RFTN1: variants seen among roughly 807,000 people sequenced by gnomAD.
The protein encoded by RFTN1 is raftlin, lipid raft linker 1.
A neutral mutation model predicts 46.5 loss-of-function variants in RFTN1; 26 were observed. The ratio of observed to expected loss-of-function variants is 0.56; its 90% CI spans 0.41 to 0.78. The LOEUF (loss-of-function observed/expected upper bound fraction) is 0.78. Among genes scored for constraint, RFTN1 ranks in the 30% least tolerant of loss-of-function variants. The pLI is 0.00. For synonymous variants in RFTN1, 261 were observed against 284.2 expected, an observed-to-expected ratio of 0.92 and a Z score of 0.82; for missense variants, 693 against 718.7, an observed-to-expected ratio of 0.96 and a Z score of 0.41.
At position 16,466,979 on chromosome 3, in the gene RFTN1, G is replaced by A. The variant is rs2076105770; in HGVS notation, c.145+26746C>T. Among the ~76,000 whole-genome samples, 1 of 152,236 alleles carries A rather than the reference G, an allele frequency of 6.6e-6. No homozygotes were observed. The highest frequency in any genetic ancestry group is 6.5e-5 in the Admixed American group (1 of 15,286). On this transcript the variant is annotated intron_variant, in intron 2 of 9. Transcript: ENST00000334133. The surrounding 1 kb of genome is among the most constrained non-coding windows in gnomAD (Gnocchi z 5.6). ...AGGGGGATGGATGCAAAGGCCAGAT[G>A]TGGGAGAAAGAGACTGGCAGGCCTA...
intron 2 of RFTN1, among the ~76,000 whole-genome samples, chr3:16,462,099 G>T (rs955924128): frequency 6.6e-6 from 1 of 152,160 alleles, no homozygotes; most frequent in South Asian, 2.1e-4. Flanking sequence ...CAAATGCGTG[G>T]GTTCAAATCC....
intron 3 of RFTN1, among the ~76,000 whole-genome samples, chr3:16,419,716 C>G (rs1054197777): frequency 6.6e-6 from 1 of 152,132 alleles, no homozygotes; most frequent in Non-Finnish European, 1.5e-5. Context: ...GTCAAGTAAA[C>G]AAATCCTAGC....
intron 2 of RFTN1, among the ~76,000 whole-genome samples, chr3:16,445,118 A>C (rs2075702064): frequency 6.6e-6 from 1 of 152,192 alleles, no homozygotes; most frequent in Non-Finnish European, 1.5e-5. Flanking sequence ...TTAAGTGAGG[A>C]CTTACTATGC....
At chr3:16,405,654 CCTT>C (rs1360684658) in intron 4 of RFTN1, among the ~76,000 whole-genome samples, 2 of 152,172 alleles carry the variant, frequency 1.3e-5, no homozygotes, top group Non-Finnish European at 2.9e-5. Flanking sequence ...TTCTCTCCCT[CCTT>C]CTATCCGTGT....
Position 16,434,004 on chromosome 3 carries a change from G to A in RFTN1, c.179C>T (p.Ala60Val), listed in dbSNP as rs1236263940. 3 of 1,610,898 alleles carry A rather than the reference G, an allele frequency of 1.9e-6. No homozygotes were observed. Among genetic ancestry groups the A allele is most frequent in the East Asian group, 2.2e-5 (1 of 44,886 alleles). Residue 60 changes from alanine to valine, a missense_variant, in exon 3 of 10, where the codon GCC (alanine) becomes GTC (valine). Physicochemically the swap from Ala to Val is moderately conservative, Grantham distance 64. Coordinates refer to ENST00000334133, the MANE Select transcript of RFTN1 (RefSeq NM_015150.2). ...CTGGGCGGGCAGGTCACGCAGGGAG[G>A]CCAGCCTCACTGCTGAGGACCCAGG... ...ELPGSSAVRLASLRDLPAQLL... is the reference protein window; with the variant it reads ...ELPGSSAVRLVSLRDLPAQLL...
In RFTN1 at chr3:16,426,190, G is replaced by A. The variant is rs944965261; in HGVS notation, c.332+7661C>T. 2.6e-5 allele frequency among the ~76,000 whole-genome samples: 4 copies of A among 152,110 alleles called. No homozygotes were observed. Among genetic ancestry groups the A allele is most frequent in the African/African-American group, 7.2e-5 (3 of 41,406 alleles). On this transcript the variant is annotated intron_variant, in intron 3 of 9. Coordinates refer to ENST00000334133, the MANE Select transcript of RFTN1 (RefSeq NM_015150.2). This position sits in a 1 kb window ranked among gnomAD's most constrained non-coding sequence, Gnocchi z 5.9. The stretch of plus-strand genomic sequence containing the variant: ...TCCCCACGTGTGATTCCAACAATCA[G>A]CGCACTCTAGGGCTGATCCTCGGCC...
rs1024870006 is a variant in RFTN1, at chr3:16,429,789, C to T, written c.332+4062G>A. Among the ~76,000 whole-genome samples the T allele has an allele frequency of 1.2e-3, 179 of 152,196 alleles. No individual in the cohort carries two copies. Among genetic ancestry groups the T allele is most frequent in the African/African-American group, 4.2e-3 (173 of 41,450 alleles). ...AAAAATTTTATGTGAACCCTCCAAACACATTAGGTTGATATCGAAGTTTCA... is the reference window on the plus strand; with the variant it reads ...AAAAATTTTATGTGAACCCTCCAAATACATTAGGTTGATATCGAAGTTTCA... On this transcript the variant is annotated intron_variant, in intron 3 of 9. Transcript: ENST00000334133. This position sits in a 1 kb window ranked among gnomAD's most constrained non-coding sequence, Gnocchi z 6.4.
At chr3:16,390,829 CAA>C (rs2074326325) in intron 4 of RFTN1, among the ~76,000 whole-genome samples, 1 of 152,164 alleles carries the variant, frequency 6.6e-6, no homozygotes, top group Non-Finnish European at 1.5e-5. Context: ...TCATTGGAAA[CAA>C]AATTTCTACA....
At chr3:16,365,349 G>A (rs142729083) in intron 6 of RFTN1, among the ~76,000 whole-genome samples, 78 of 152,202 alleles carry the variant, frequency 5.1e-4, no homozygotes, top group African/African-American at 1.8e-3. Flanking sequence ...GCCACCTTCT[G>A]AATACAGCAC....
rs1559368216 is a variant in RFTN1, at chr3:16,480,226, T to C, written c.145+13499A>G. On this transcript the variant is annotated intron_variant, in intron 2 of 9. Transcript: ENST00000334133. This position sits in a 1 kb window ranked among gnomAD's most constrained non-coding sequence, Gnocchi z 4.3. ...TGGGAATATATTATTATACCTATCTTGTGTCAAAGCAACATGCATTCCTTA... is the reference window on the plus strand; with the variant it reads ...TGGGAATATATTATTATACCTATCTCGTGTCAAAGCAACATGCATTCCTTA... Among the ~76,000 whole-genome samples, 1 of 152,246 alleles carries C rather than the reference T, an allele frequency of 6.6e-6. No homozygotes were observed. Among genetic ancestry groups the C allele is most frequent in the African/African-American group, 2.4e-5 (1 of 41,462 alleles).
chr3:16,415,525 A>G (rs2075062335), intron 3 of RFTN1, among the ~76,000 whole-genome samples: 1 of 151,300 alleles, frequency 6.6e-6, no homozygotes, highest in Non-Finnish European at 1.5e-5. Flanking sequence ...TAAATTTAGG[A>G]GTCATCAGTC....
At chr3:16,503,688 C>T (rs539169584) in intron 1 of RFTN1, among the ~76,000 whole-genome samples, 1 of 152,242 alleles carries the variant, frequency 6.6e-6, no homozygotes, top group African/African-American at 2.4e-5. Flanking sequence ...GTTCCACATC[C>T]CTCAATCTCT....
rs2070903406 is a variant in RFTN1 at position 16,336,870 on chromosome 3, GTTA to G, written c.1147-9997_1147-9995del. 6.6e-6 allele frequency among the ~76,000 whole-genome samples: 1 copy of G among 152,090 alleles called. No homozygotes were observed. Among genetic ancestry groups the G allele is most frequent in the Non-Finnish European group, 1.5e-5 (1 of 68,030 alleles). On this transcript the variant is annotated intron_variant, in intron 7 of 9. Transcript: ENST00000334133. The surrounding 1 kb of genome is among the most constrained non-coding windows in gnomAD (Gnocchi z 6.0). ...CTCAACGAAATAAAAAATAATAATT[GTTA>G]TTATTACATGAAACATATTGTTTGG...
intron 2 of RFTN1, among the ~76,000 whole-genome samples, chr3:16,441,372 A>G (rs1047695666): frequency 6.6e-6 from 1 of 151,674 alleles, no homozygotes; most frequent in Admixed American, 6.6e-5. Context: ...AAAACCACAC[A>G]TTTCTTAACA....
chr3:16,483,219 C>T lies in RFTN1; in HGVS notation c.145+10506G>A, dbSNP rs547384479. Among the ~76,000 whole-genome samples, 58 of 152,324 alleles carry T rather than the reference C, an allele frequency of 3.8e-4. 1 individual carries two copies. Among genetic ancestry groups the T allele is most frequent in the African/African-American group, 1.2e-3 (51 of 41,570 alleles). ...CAAACACTTCAGAGTACTTGAGGCT[C>T]TATCTAAAGGAACCCCATGGTGAAA... On this transcript the variant is annotated intron_variant, in intron 2 of 9. Transcript: ENST00000334133. The surrounding 1 kb of genome is among the most constrained non-coding windows in gnomAD (Gnocchi z 4.8).
At chr3:16,491,025 C>G (rs1248570418) in intron 2 of RFTN1, among the ~76,000 whole-genome samples, 3 of 152,152 alleles carry the variant, frequency 2.0e-5, no homozygotes, top group Admixed American at 1.3e-4. Context: ...GGAAGGGATT[C>G]TCTCTTCTAA....
intron 4 of RFTN1, among the ~76,000 whole-genome samples, chr3:16,389,184 G>C (rs17042204): frequency 0.016 from 2,439 of 152,282 alleles, 141 homozygotes; most frequent in East Asian, 0.16. Context: ...GTGCCATTGG[G>C]CATTGCTATC....
rs2125292531 is a variant in RFTN1, at chr3:16,342,438, A to T, written c.1146+15494T>A. ...ACCATAGTTTATTCATCATTTGATG[A>T]ACATTTAAGTTGTTTCTACTTTTTG... On this transcript the variant is annotated intron_variant, in intron 7 of 9. Coordinates refer to ENST00000334133, the MANE Select transcript of RFTN1 (RefSeq NM_015150.2). This position sits in a 1 kb window ranked among gnomAD's most constrained non-coding sequence, Gnocchi z 4.0. Among the ~76,000 whole-genome samples, 1 of 152,348 alleles carries T rather than the reference A, an allele frequency of 6.6e-6. No individual in the cohort carries two copies. Among genetic ancestry groups the T allele is most frequent in the East Asian group, 1.9e-4 (1 of 5,192 alleles).
chr3:16,383,659 C>T lies in RFTN1; in HGVS notation c.442-5557G>A, dbSNP rs1348266669. Among the ~76,000 whole-genome samples, 2 of 151,998 alleles carry T rather than the reference C, an allele frequency of 1.3e-5. No homozygotes were observed. Among genetic ancestry groups the T allele is most frequent in the Non-Finnish European group, 2.9e-5 (2 of 68,030 alleles). On this transcript the variant is annotated intron_variant, in intron 4 of 9. Coordinates refer to ENST00000334133, the MANE Select transcript of RFTN1 (RefSeq NM_015150.2). The surrounding 1 kb of genome is among the most constrained non-coding windows in gnomAD (Gnocchi z 4.0). ...GTGCGATATATACTCTATGTGCATG[C>T]GAATATACGTATTTGTGATTTAGAG...
Sources: allele counts gnomAD v4.1 joint callset (sites outside exome capture counted in the v4.1 genomes callset), GRCh38; gene constraint gnomAD v4.1.1; non-coding constraint Gnocchi (gnomAD v3.1); transcripts MANE v1.5; gene names NCBI Gene and HGNC (gene_info 2026-07-23, HGNC 2026-07-21).